The following ROR1 variants were observed in gnomAD, a reference collection of about 807,000 sequenced individuals.
ROR1 encodes inactive tyrosine-protein kinase transmembrane receptor ROR1.
ROR1 carries 19 observed loss-of-function variants against 78.8 expected under a neutral mutation model. The ratio of observed to expected loss-of-function variants is 0.24; its 90% CI spans 0.17 to 0.35. The LOEUF is 0.35. ROR1 is among the 10% of genes least tolerant of loss of function. ROR1 has a pLI of 1.00. For synonymous variants in ROR1, 386 were observed against 433.6 expected, an observed-to-expected ratio of 0.89 and a Z score of 1.36; for missense variants, 917 against 1,177.8, an observed-to-expected ratio of 0.78 and a Z score of 3.24.
chr1:63,866,756 GC>G (rs1645217987), intron 1 of ROR1, among the ~76,000 whole-genome samples: 1 of 152,160 alleles, frequency 6.6e-6, no homozygotes, highest in Non-Finnish European at 1.5e-5. Flanking sequence ...TATTAAGAAG[GC>G]TTTATAGAGA....
chr1:63,989,863 G>A (rs1252375332), intron 1 of ROR1, among the ~76,000 whole-genome samples: 2 of 152,272 alleles, frequency 1.3e-5, no homozygotes, highest in African/African-American at 2.4e-5. Flanking sequence ...ATGGATATGC[G>A]TCTCTCAATC....
At chr1:64,169,177 A>G (rs1435487531) in intron 8 of ROR1, among the ~76,000 whole-genome samples, 1 of 151,980 alleles carries the variant, frequency 6.6e-6, no homozygotes, top group African/African-American at 2.4e-5. Flanking sequence ...TACCAAAAAT[A>G]CTCCTCTAAT....
rs141062678 is a variant in ROR1 at position 64,025,383 on chromosome 1, A to G, written c.163+16007A>G. On this transcript the variant is annotated intron_variant, in intron 2 of 8. Coordinates refer to ENST00000371079, the MANE Select transcript of ROR1 (RefSeq NM_005012.4). ...TATAAACTAGTACAACCACTATGGAAAAAACAGCATGGAGATTCCTTAAAA... is the reference window on the plus strand; with the variant it reads ...TATAAACTAGTACAACCACTATGGAGAAAACAGCATGGAGATTCCTTAAAA... 3.1e-3 allele frequency among the ~76,000 whole-genome samples: 472 copies of G among 152,290 alleles called. 3 individuals are homozygous for G. Among genetic ancestry groups the G allele is most frequent in the African/African-American group, 0.011 (451 of 41,566 alleles).
chr1:64,138,008 T>G (rs967259661), intron 5 of ROR1, among the ~76,000 whole-genome samples: 1 of 152,248 alleles, frequency 6.6e-6, no homozygotes, highest in African/African-American at 2.4e-5. Context: ...TGACCATTGG[T>G]CTCTTCTTGC....
chr1:64,085,350 C>T (rs1186075947), intron 4 of ROR1, among the ~76,000 whole-genome samples: 5 of 152,234 alleles, frequency 3.3e-5, no homozygotes, highest in East Asian at 1.9e-4. Flanking sequence ...CAGAGTGGCT[C>T]GTGCGTTGGG....
intron 4 of ROR1, among the ~76,000 whole-genome samples, chr1:64,110,450 A>T (rs994299046): frequency 6.6e-6 from 1 of 152,132 alleles, no homozygotes; most frequent in Non-Finnish European, 1.5e-5. Context: ...TCAATTGAAC[A>T]TTGAACCCTG....
rs183462259 is a variant in ROR1 at position 64,042,569 on chromosome 1, C to T, written c.164-7122C>T. 1.3e-4 allele frequency among the ~76,000 whole-genome samples: 20 copies of T among 152,266 alleles called. No individual in the cohort carries two copies. The South Asian group carries it at 1.9e-3, about 14-fold the overall frequency. On this transcript the variant is annotated intron_variant, in intron 2 of 8. Coordinates refer to ENST00000371079, the MANE Select transcript of ROR1 (RefSeq NM_005012.4). ...AGCAGGTGGGGTCATCCGATGGTTT[C>T]GGTCCCTTCATACCTTCAGGTTACC...
At chr1:63,950,402 G>T (rs116480821) in intron 1 of ROR1, among the ~76,000 whole-genome samples, 2,036 of 152,270 alleles carry the variant, frequency 0.013, 46 homozygotes, top group African/African-American at 0.047. Context: ...CATGGCATTT[G>T]TAAACTGCTG....
intron 4 of ROR1, among the ~76,000 whole-genome samples, chr1:64,101,582 A>G (rs1240495006): frequency 6.6e-6 from 1 of 152,192 alleles, no homozygotes; most frequent in Non-Finnish European, 1.5e-5. Context: ...AACGAAGGAT[A>G]TGACAGTGAA....
At chr1:63,808,184 C>T (rs1037284592) in intron 1 of ROR1, among the ~76,000 whole-genome samples, 1 of 152,160 alleles carries the variant, frequency 6.6e-6, no homozygotes, top group African/African-American at 2.4e-5. Flanking sequence ...GTGAAAGAGA[C>T]ATAAACAGAG....
At chr1:63,945,626 A>T (rs1043805925) in intron 1 of ROR1, among the ~76,000 whole-genome samples, 19 of 152,082 alleles carry the variant, frequency 1.2e-4, no homozygotes, top group Non-Finnish European at 5.9e-5. Flanking sequence ...TTTACTTGCT[A>T]CATCAAACAT....
chr1:63,877,533 G>T, intron 1 of ROR1, among the ~76,000 whole-genome samples: 1 of 152,120 alleles, frequency 6.6e-6, no homozygotes. Flanking sequence ...GTGGTAAAGG[G>T]ATTGGCCCTG....
chr1:63,833,587 G>C (rs982027395), intron 1 of ROR1, among the ~76,000 whole-genome samples: 1 of 152,150 alleles, frequency 6.6e-6, no homozygotes, highest in Non-Finnish European at 1.5e-5. Context: ...TCCAAGCTCT[G>C]ATTGGCTGCT....
At chr1:63,965,935 T>C (rs1227106467) in intron 1 of ROR1, among the ~76,000 whole-genome samples, 1 of 152,216 alleles carries the variant, frequency 6.6e-6, no homozygotes, top group Non-Finnish European at 1.5e-5. Flanking sequence ...TGTGATCTTA[T>C]ACAAGTCACT....
intron 2 of ROR1, among the ~76,000 whole-genome samples, chr1:64,042,701 T>G (rs1156843490): frequency 6.6e-6 from 1 of 152,200 alleles, no homozygotes; most frequent in African/African-American, 2.4e-5. Flanking sequence ...TTTCGGCTGA[T>G]TTTATTAAAC....
intron 1 of ROR1, among the ~76,000 whole-genome samples, chr1:63,906,090 T>C (rs1015483151): frequency 2.0e-5 from 3 of 152,186 alleles, no homozygotes; most frequent in African/African-American, 7.2e-5. Flanking sequence ...ATGCTTATAA[T>C]ATGGGGAAGA....
chr1:63,799,037 A>G (rs1203733079), intron 1 of ROR1, among the ~76,000 whole-genome samples: 1 of 152,064 alleles, frequency 6.6e-6, no homozygotes, highest in East Asian at 1.9e-4. Context: ...CAGCATCATC[A>G]TTTATTAGCC....
chr1:64,137,328 A>T (rs764979361), intron 4 of ROR1, 41 bp from the exon 5 acceptor site: 9 of 1,611,706 alleles, frequency 5.6e-6, no homozygotes, highest in Non-Finnish European at 7.6e-6. Flanking sequence ...CCCTGTATGT[A>T]TGTGGTGCAT....
chr1:63,914,230 A>G (rs1645592281), intron 1 of ROR1, among the ~76,000 whole-genome samples: 1 of 152,246 alleles, frequency 6.6e-6, no homozygotes, highest in South Asian at 2.1e-4. Context: ...AAAATGTTTT[A>G]TTAGAAACAG....
Sources: allele counts gnomAD v4.1 joint callset (sites outside exome capture counted in the v4.1 genomes callset), GRCh38; gene constraint gnomAD v4.1.1; transcripts MANE v1.5; gene names NCBI Gene and HGNC (gene_info 2026-07-23, HGNC 2026-07-21).